XRN2: variants seen among roughly 807,000 people sequenced by gnomAD.
XRN2 encodes the protein 5'-3' exoribonuclease 2.
In XRN2, 44 loss-of-function variants were observed where a neutral mutation model predicts 138.5. The ratio of observed to expected loss-of-function variants is 0.32; its 90% CI spans 0.25 to 0.41. The LOEUF (loss-of-function observed/expected upper bound fraction) is 0.41, where lower values mean the gene tolerates loss of function less well. XRN2 is among the 10% of genes least tolerant of loss of function. The pLI is 1.00. For missense variants in XRN2, 937 were observed against 1,169.3 expected (o/e 0.80, Z 2.90); for synonymous variants, 354 against 369.4 (o/e 0.96, Z 0.48).
chr20:21,340,934 A>G (rs2038364464), intron 15 of XRN2, 82 bp downstream of exon 15: 1 of 1,508,880 alleles, frequency 6.6e-7, no homozygotes, highest in Non-Finnish European at 9.1e-7. Context: ...TGTGAAATTT[A>G]TCACAGCCTG....
chr20:21,357,992 A>T (rs1471871268), intron 24 of XRN2, among the ~76,000 whole-genome samples, 200 bp downstream of exon 24: 1 of 152,240 alleles, frequency 6.6e-6, no homozygotes, highest in Non-Finnish European at 1.5e-5. Flanking sequence ...TACTGATTTA[A>T]CATGCTTGCT....
chr20:21,331,429 AC>A, intron 6 of XRN2, 131 bp from the exon 7 acceptor site: 1 of 718,826 alleles, frequency 1.4e-6, no homozygotes, highest in Non-Finnish European at 2.4e-6. Context: ...ACACACACAC[AC>A]ACACACACCC....
rs372903270 is a variant in XRN2 at position 21,387,033 on chromosome 20, A to C, written c.2787+27A>C. On this transcript the variant is annotated intron_variant, in intron 29 of 29. Transcript: ENST00000377191. Reference sequence around the variant, plus strand: ...TAAATGGTTGTGGGATGAAAAGTATACTGCTCACTTTATATTTCAACAAGC... The same window carrying C: ...TAAATGGTTGTGGGATGAAAAGTATCCTGCTCACTTTATATTTCAACAAGC... 19 of 1,587,624 alleles carry C rather than the reference A, an allele frequency of 1.2e-5. No homozygotes were observed. The African/African-American group carries it at 2.4e-4, about 20-fold the overall frequency.
At chr20:21,367,827 T>C (rs1413926728) in intron 26 of XRN2, among the ~76,000 whole-genome samples, 2 of 152,212 alleles carry the variant, frequency 1.3e-5, no homozygotes, top group East Asian at 3.8e-4. Context: ...CAACATAGTA[T>C]TTCCTCTGAA....
At chr20:21,352,922 C>A (rs1415609983) in intron 20 of XRN2, among the ~76,000 whole-genome samples, 1 of 151,844 alleles carries the variant, frequency 6.6e-6, no homozygotes, top group Non-Finnish European at 1.5e-5. Context: ...GTTCAGAAAA[C>A]AGTAGCTGCT....
chr20:21,317,079 T>C (rs1298682040), intron 1 of XRN2, among the ~76,000 whole-genome samples: 3 of 152,194 alleles, frequency 2.0e-5, no homozygotes, highest in African/African-American at 7.2e-5. Context: ...TTTTCTAATA[T>C]CAATACCTTT....
chr20:21,303,655 C>T (rs2037770900), intron 1 of XRN2, 182 bp downstream of exon 1: 12 of 1,337,380 alleles, frequency 9.0e-6, no homozygotes, highest in African/African-American at 1.6e-5. Flanking sequence ...TTCAGCACCC[C>T]GGGGGCGAGG....
At chr20:21,326,892 A>G (rs1276653471) in intron 3 of XRN2, among the ~76,000 whole-genome samples, 4 of 152,232 alleles carry the variant, frequency 2.6e-5, no homozygotes, top group Non-Finnish European at 5.9e-5. Flanking sequence ...TTAATTATTT[A>G]TAGGCATTAT....
At chr20:21,376,653 A>AGGT (rs2038826070) in intron 27 of XRN2, among the ~76,000 whole-genome samples, 1 of 152,180 alleles carries the variant, frequency 6.6e-6, no homozygotes, top group African/African-American at 2.4e-5. Context: ...AAAGTCCGGA[A>AGGT]GGTGGGAGGA....
chr20:21,330,820 G>A, intron 6 of XRN2, 115 bp downstream of exon 6: 1 of 997,918 alleles, frequency 1.0e-6, no homozygotes, highest in Non-Finnish European at 1.4e-6. Context: ...CTAGTTGACT[G>A]TTGGAAGAAA....
chr20:21,370,470 TTTAA>T (rs1222411682), intron 27 of XRN2, among the ~76,000 whole-genome samples: 1 of 152,252 alleles, frequency 6.6e-6, no homozygotes, highest in Admixed American at 6.5e-5. Flanking sequence ...TTGCAATTTA[TTTAA>T]TTAATACAAG....
intron 26 of XRN2, 99 bp downstream of exon 26, chr20:21,365,803 TATATA>T (rs11467475): frequency 0.67 from 165,156 of 246,056 alleles, 58,495 homozygotes; most frequent in East Asian, 0.83. Context: ...TTATGCCATA[TATATA>T]ATATATGATT....
intron 1 of XRN2, among the ~76,000 whole-genome samples, chr20:21,320,267 T>TTATTTATG (rs138508870): frequency 4.8e-5 from 7 of 144,836 alleles, no homozygotes; most frequent in Admixed American, 1.4e-4. Flanking sequence ...TTGGCATCAT[T>TTATTTATG]TATTTATTTA....
At chr20:21,331,300 C>T (rs1445871457) in intron 6 of XRN2, among the ~76,000 whole-genome samples, 2 of 151,840 alleles carry the variant, frequency 1.3e-5, no homozygotes, top group East Asian at 3.8e-4. Context: ...CTTTCCATTA[C>T]ATGTAGTAAG....
intron 9 of XRN2, among the ~76,000 whole-genome samples, chr20:21,332,959 C>G (rs1422743948): frequency 1.3e-5 from 2 of 152,120 alleles, no homozygotes; most frequent in Non-Finnish European, 2.9e-5. Context: ...TATGTCCAGT[C>G]CCCTTTAAAG....
In XRN2 at chr20:21,303,454, T is replaced by C; in HGVS notation, c.56T>C (p.Val19Ala). 6.5e-7 allele frequency: 1 copy of C among 1,547,000 alleles called. No homozygotes were observed. Among genetic ancestry groups the C allele is most frequent in the Non-Finnish European group, 8.7e-7 (1 of 1,145,636 alleles). ...AGCCGCAAGTACCCGTCCATCATAG[T>C]CAACTGCGTGGAAGAGAAGGTGAGG... ...WLSRKYPSIIVNCVEEKPKEC... is the reference protein window; with the variant it reads ...WLSRKYPSIIANCVEEKPKEC... The change falls in exon 1 of 30, where the codon GTC (valine) becomes GCC (alanine). Residue 19 changes from valine (V) to alanine (A), a missense_variant. Coordinates refer to ENST00000377191, the MANE Select transcript of XRN2 (RefSeq NM_012255.5).
intron 28 of XRN2, among the ~76,000 whole-genome samples, chr20:21,382,980 A>G (rs557422912): frequency 6.6e-6 from 1 of 152,294 alleles, no homozygotes; most frequent in African/African-American, 2.4e-5. Context: ...TACAGTCTCT[A>G]ATCTGTTCAC....
intron 1 of XRN2, among the ~76,000 whole-genome samples, chr20:21,309,275 T>G (rs2037845705): frequency 6.6e-6 from 1 of 152,232 alleles, no homozygotes; most frequent in Non-Finnish European, 1.5e-5. Context: ...AGTGAGGCCA[T>G]CTGGACTTGG....
intron 28 of XRN2, 123 bp downstream of exon 28, chr20:21,382,180 T>A (rs1347176318): frequency 1.5e-5 from 10 of 681,008 alleles, no homozygotes; most frequent in African/African-American, 3.7e-5. Flanking sequence ...AAAAACAATT[T>A]CCCTTGTGCC....
Sources: gnomAD v4.1 joint callset for allele counts (sites outside exome capture counted in the v4.1 genomes callset) on GRCh38, gnomAD v4.1.1 for gene constraint, MANE v1.5 for transcripts, NCBI Gene and HGNC (gene_info 2026-07-23, HGNC 2026-07-21) for gene names.